The following KIAA1614 variants were observed in gnomAD, a reference collection of about 807,000 sequenced individuals.
KIAA1614 encodes the protein uncharacterized protein KIAA1614.
In KIAA1614, 76 loss-of-function variants were observed where a neutral mutation model predicts 88.7. That is an observed-to-expected ratio of 0.86 (90% CI 0.71 to 1.04). The LOEUF is 1.04. KIAA1614 is among the 50% of genes least tolerant of loss of function. The pLI is 0.00. For synonymous variants in KIAA1614, 714 were observed against 675.5 expected (o/e 1.06, Z -0.88); for missense variants, 1,553 against 1,582.5 (o/e 0.98, Z 0.32).
rs201202855 is a variant in KIAA1614, at chr1:180,928,548, G to A, written c.1180G>A (p.Val394Met). Reference protein sequence around the residue: ...TRPLRASHDIVPTITQGSRDG... With the variant: ...TRPLRASHDIMPTITQGSRDG... ...GCCCCTCCGTGCCAGCCATGACATC[G>A]TGCCCACCATTACCCAGGGCAGCCG... Residue 394 changes from valine (V) to methionine (M), a missense_variant, in exon 4 of 9, where the codon GTG (valine) becomes ATG (methionine). Val to Met is a conservative substitution (Grantham distance 21). Coordinates refer to ENST00000367588, the MANE Select transcript of KIAA1614 (RefSeq NM_020950.2). The A allele has an allele frequency of 6.9e-5, 112 of 1,612,612 alleles. No homozygotes were observed. The highest frequency in any genetic ancestry group is 3.3e-4 in the Middle Eastern group (2 of 6,066).
At position 180,917,046 on chromosome 1, in the gene KIAA1614, C is replaced by T. The variant is rs377175813; in HGVS notation, c.943C>T (p.Pro315Ser). 8.7e-6 allele frequency: 14 copies of T among 1,613,738 alleles called. No homozygotes were observed. Among genetic ancestry groups the T allele is most frequent in the Non-Finnish European group, 9.3e-6 (11 of 1,180,034 alleles). Residue 315 changes from proline (P) to serine (S), a missense_variant, in exon 2 of 9, where the codon CCC becomes TCC. By Grantham distance (74) the Pro-to-Ser change is moderately conservative. Coordinates refer to ENST00000367588, the MANE Select transcript of KIAA1614 (RefSeq NM_020950.2). ...QEMLNVSGQS[P>S]RKVGTPAWTP... ...GATGCTCAACGTTTCTGGGCAGAGC[C>T]CCCGCAAGGTGGGAACCCCTGCCTG...
At chr1:180,929,054 G>A (rs143985969) in intron 4 of KIAA1614, among the ~76,000 whole-genome samples, 11 of 152,326 alleles carry the variant, frequency 7.2e-5, no homozygotes, top group Admixed American at 1.3e-4. Context: ...ACAGAGGAGC[G>A]CAACACCTAC....
rs1653855817 is a variant in KIAA1614 at position 180,917,917 on chromosome 1, A to G, written c.1061+3A>G. 3 of 1,612,996 alleles carry G rather than the reference A, an allele frequency of 1.9e-6. No individual in the cohort carries two copies. Among genetic ancestry groups the G allele is most frequent in the Admixed American group, 3.3e-5 (2 of 60,014 alleles). ...TTGCAGGACTCCGGCCAGAACAGGT[A>G]AGAGCTCAGAGCCCACATTTTCTCT... On this transcript the variant is annotated splice_donor_region_variant and intron_variant, in intron 3 of 8. Transcript: ENST00000367588.
In KIAA1614 at chr1:180,935,725, G is replaced by T; in HGVS notation, c.1816G>T (p.Ala606Ser). Residue 606 changes from alanine to serine, a missense_variant, in exon 5 of 9, where the codon GCG becomes TCG. Physicochemically the swap from Ala to Ser is moderately conservative, Grantham distance 99. Transcript: ENST00000367588. The surrounding 1 kb of genome is among the most constrained non-coding windows in gnomAD (Gnocchi z 6.1). The part of the protein sequence containing the change: ...ETHIGDTVCP[A>S]EVDSALDSTD... Reference sequence around the variant, plus strand: ...ACACATCGGAGACACCGTGTGCCCTGCGGAGGTGGACTCTGCCCTGGACAG... The same window carrying T: ...ACACATCGGAGACACCGTGTGCCCTTCGGAGGTGGACTCTGCCCTGGACAG... The T allele has an allele frequency of 6.2e-7, 1 of 1,613,814 alleles. No individual in the cohort carries two copies. Among genetic ancestry groups the T allele is most frequent in the Non-Finnish European group, 8.5e-7 (1 of 1,179,960 alleles).
At position 180,950,556 on chromosome 1, in the gene KIAA1614, C is replaced by T. The variant is rs747231464; in HGVS notation, c.*4968C>T. 3 of 1,079,280 alleles carry T rather than the reference C, an allele frequency of 2.8e-6. No individual in the cohort carries two copies. The highest frequency in any genetic ancestry group is 3.4e-6 in the Non-Finnish European group (3 of 880,522). 66.9% of individuals were successfully genotyped at this position (1,079,280 alleles called of 1,614,324 possible). ...TGACCCAGAAGTGCCGCTGCCCTCA[C>T]TGTCACGGCCTCGGAAGCCCTGAAG... is the stretch of plus-strand genomic sequence containing the variant. On this transcript the variant is annotated 3_prime_UTR_variant, in exon 9 of 9. Coordinates refer to ENST00000367588, the MANE Select transcript of KIAA1614 (RefSeq NM_020950.2).
rs965229050 is a variant in KIAA1614 at position 180,913,235 on chromosome 1, C to G, written c.-9C>G. The G allele has an allele frequency of 5.5e-6, 7 of 1,263,680 alleles. No individual in the cohort carries two copies. The highest frequency in any genetic ancestry group is 7.0e-6 in the Non-Finnish European group (7 of 998,518). 78.3% of individuals were successfully genotyped at this position (1,263,680 alleles called of 1,614,324 possible). Reference sequence around the variant, plus strand: ...GAAGGGGCTGGAGAGGGCCTGGCCTCTCCGAGGGATGGAGGGGACAGAGGC... The same window carrying G: ...GAAGGGGCTGGAGAGGGCCTGGCCTGTCCGAGGGATGGAGGGGACAGAGGC... On this transcript the variant is annotated 5_prime_UTR_variant, in exon 1 of 9. Coordinates refer to ENST00000367588, the MANE Select transcript of KIAA1614 (RefSeq NM_020950.2).
At chr1:180,920,154 G>T (rs1223494702) in intron 3 of KIAA1614, among the ~76,000 whole-genome samples, 2 of 152,172 alleles carry the variant, frequency 1.3e-5, no homozygotes, top group African/African-American at 4.8e-5. Flanking sequence ...CTCAGATAGG[G>T]TTCCCTGTCT....
Position 180,935,780 on chromosome 1 carries a change from A to C in KIAA1614, c.1871A>C (p.Asp624Ala). The C allele has an allele frequency of 6.2e-7, 1 of 1,613,866 alleles. No individual in the cohort carries two copies. The highest frequency in any genetic ancestry group is 8.5e-7 in the Non-Finnish European group (1 of 1,179,944). ...GACAACTCTGACAACTGCAGGACCGACAGTGAGGAGGCGGGGACCTCTCAG... is the reference window on the plus strand; with the variant it reads ...GACAACTCTGACAACTGCAGGACCGCCAGTGAGGAGGCGGGGACCTCTCAG... Reference protein sequence around the residue: ...STDNSDNCRTDSEEAGTSQAG... With the variant: ...STDNSDNCRTASEEAGTSQAG... The change falls in exon 5 of 9, where the codon GAC becomes GCC. Residue 624 changes from aspartate to alanine, a missense_variant. Asp to Ala is a moderately radical substitution (Grantham distance 126). Coordinates refer to ENST00000367588, the MANE Select transcript of KIAA1614 (RefSeq NM_020950.2). The surrounding 1 kb of genome is among the most constrained non-coding windows in gnomAD (Gnocchi z 6.1).
At chr1:180,940,634 C>CTTTT (rs1318256835) in intron 6 of KIAA1614, among the ~76,000 whole-genome samples, 1 of 151,552 alleles carries the variant, frequency 6.6e-6, no homozygotes, top group Admixed American at 6.6e-5. Flanking sequence ...TTTTTTCTTT[C>CTTTT]TTTTCTTTTC....
At chr1:180,938,016 G>A (rs1003826021) in intron 5 of KIAA1614, among the ~76,000 whole-genome samples, 2 of 152,200 alleles carry the variant, frequency 1.3e-5, no homozygotes, top group African/African-American at 4.8e-5. Flanking sequence ...AAGTGAGGAC[G>A]ATGACGGCAC....
At chr1:180,933,097 G>A (rs563529772) in intron 4 of KIAA1614, among the ~76,000 whole-genome samples, 8 of 152,320 alleles carry the variant, frequency 5.3e-5, no homozygotes, top group Non-Finnish European at 1.0e-4. Context: ...GGGGGGAAAT[G>A]ACTGGAGTCA....
chr1:180,913,124 G>T lies in KIAA1614; in HGVS notation c.-120G>T, dbSNP rs1653691839. 3 of 736,026 alleles carry T rather than the reference G, an allele frequency of 4.1e-6. No individual in the cohort carries two copies. The highest frequency in any genetic ancestry group is 1.8e-5 in the African/African-American group (1 of 54,344). The allele number at this position is 736,026 out of a possible 1,614,324, so 45.6% of individuals were successfully genotyped here. The stretch of plus-strand genomic sequence containing the variant: ...ACCCCCAGTCGGCCGCGCCCCGAGG[G>T]GCGAGGCCTGCGGGCCGCACTCCCT... On this transcript the variant is annotated 5_prime_UTR_variant, in exon 1 of 9. Coordinates refer to ENST00000367588, the MANE Select transcript of KIAA1614 (RefSeq NM_020950.2).
intron 1 of KIAA1614, among the ~76,000 whole-genome samples, chr1:180,915,869 T>C (rs945698769): frequency 1.3e-5 from 2 of 152,156 alleles, no homozygotes; most frequent in South Asian, 4.1e-4. Flanking sequence ...GGGTGCAAGC[T>C]CCTTATGAGA....
chr1:180,916,002 G>T, intron 1 of KIAA1614, 152 bp from the exon 2 acceptor site: 1 of 481,140 alleles, frequency 2.1e-6, no homozygotes, highest in Non-Finnish European at 3.6e-6. Flanking sequence ...CAAAAAGGTT[G>T]GAGACCACTG....
At chr1:180,942,489 C>G (rs1322530864) in intron 7 of KIAA1614, among the ~76,000 whole-genome samples, 1 of 152,218 alleles carries the variant, frequency 6.6e-6, no homozygotes, top group Non-Finnish European at 1.5e-5. Context: ...AGGATGCGGA[C>G]TGAATGAAGG....
chr1:180,921,812 C>T (rs1223884795), intron 3 of KIAA1614, among the ~76,000 whole-genome samples: 1 of 152,126 alleles, frequency 6.6e-6, no homozygotes, highest in African/African-American at 2.4e-5. Flanking sequence ...GGGATCTGTG[C>T]CTGGAAGGAC....
chr1:180,913,166 G>A lies in KIAA1614; in HGVS notation c.-78G>A. 1 of 1,135,290 alleles carries A rather than the reference G, an allele frequency of 8.8e-7. No homozygotes were observed. The highest frequency in any genetic ancestry group is 1.1e-6 in the Non-Finnish European group (1 of 889,678). The allele number at this position is 1,135,290 out of a possible 1,614,324, so 70.3% of individuals were successfully genotyped here. On this transcript the variant is annotated 5_prime_UTR_variant, in exon 1 of 9. Transcript: ENST00000367588. ...GCACTCCCTCCGGCCCCGGATTCGG[G>A]GCTGGAAGTCCCTCCCCGAACCCAG... is the stretch of plus-strand genomic sequence containing the variant.
intron 3 of KIAA1614, among the ~76,000 whole-genome samples, chr1:180,919,614 C>T (rs1338787131): frequency 6.6e-6 from 1 of 152,134 alleles, no homozygotes; most frequent in Non-Finnish European, 1.5e-5. Flanking sequence ...GGGAAGGGCC[C>T]AGTGGGGAGA....
chr1:180,930,694 G>A (rs1017028156), intron 4 of KIAA1614, among the ~76,000 whole-genome samples: 2 of 152,234 alleles, frequency 1.3e-5, no homozygotes, highest in African/African-American at 4.8e-5. Context: ...CCCTTTTGCA[G>A]GCTGTCTCCA....
Sources: allele counts gnomAD v4.1 joint callset (sites outside exome capture counted in the v4.1 genomes callset), GRCh38; gene constraint gnomAD v4.1.1; non-coding constraint Gnocchi (gnomAD v3.1); transcripts MANE v1.5; gene names NCBI Gene and HGNC (gene_info 2026-07-23, HGNC 2026-07-21).